SGCZ: variants seen among roughly 807,000 people sequenced by gnomAD.
SGCZ encodes sarcoglycan zeta.
In SGCZ, 40 loss-of-function variants were observed where a neutral mutation model predicts 41.3. The ratio of observed to expected loss-of-function variants is 0.97; its 90% CI spans 0.75 to 1.26. The LOEUF is 1.26. SGCZ is among the 50% of genes most tolerant of loss of function. The pLI is 0.00. For synonymous variants in SGCZ, 206 were observed against 137.5 expected, an observed-to-expected ratio of 1.50 and a Z score of -3.49; for missense variants, 552 against 369.8, an observed-to-expected ratio of 1.49 and a Z score of -4.04.
chr8:15,010,139 A>G (rs1267982172), intron 1 of SGCZ, among the ~76,000 whole-genome samples: 1 of 152,196 alleles, frequency 6.6e-6, no homozygotes, highest in African/African-American at 2.4e-5. Context: ...AATGGTGAGA[A>G]AAAACTTAGC....
At chr8:15,039,762 G>T (rs1004169697) in intron 1 of SGCZ, among the ~76,000 whole-genome samples, 1 of 152,002 alleles carries the variant, frequency 6.6e-6, no homozygotes, top group Admixed American at 6.6e-5. Context: ...TTGTTTGTAC[G>T]TTTTCATTTC....
intron 1 of SGCZ, among the ~76,000 whole-genome samples, chr8:15,187,372 G>A (rs1800380107): frequency 6.6e-6 from 1 of 152,058 alleles, no homozygotes; most frequent in Admixed American, 6.5e-5. Flanking sequence ...GAATACATGT[G>A]CATGTAATGT....
At chr8:14,996,985 T>C (rs889362634) in intron 1 of SGCZ, among the ~76,000 whole-genome samples, 1 of 152,216 alleles carries the variant, frequency 6.6e-6, no homozygotes, top group African/African-American at 2.4e-5. Flanking sequence ...GACGCTCTTT[T>C]GTGTTCATTT....
At chr8:15,228,157 T>C (rs149257247) in intron 1 of SGCZ, among the ~76,000 whole-genome samples, 27 of 152,330 alleles carry the variant, frequency 1.8e-4, no homozygotes, top group African/African-American at 6.5e-4. Flanking sequence ...ATGAAACAAA[T>C]ACGTATGTAA....
chr8:15,143,263 C>T (rs1307685743), intron 1 of SGCZ, among the ~76,000 whole-genome samples: 1 of 152,134 alleles, frequency 6.6e-6, no homozygotes, highest in Non-Finnish European at 1.5e-5. Context: ...ATGAGAGGAA[C>T]CTTATATATC....
intron 2 of SGCZ, among the ~76,000 whole-genome samples, chr8:14,458,060 C>T (rs114887041): frequency 0.046 from 6,968 of 152,202 alleles, 500 homozygotes; most frequent in African/African-American, 0.16. Context: ...TTCTTCTAAA[C>T]TACCCAGTCT....
intron 1 of SGCZ, among the ~76,000 whole-genome samples, chr8:15,225,414 T>G (rs1164734868): frequency 6.6e-6 from 1 of 152,206 alleles, no homozygotes; most frequent in Non-Finnish European, 1.5e-5. Flanking sequence ...TATGCAATAT[T>G]ACAACAGAGG....
At chr8:14,577,145 G>C (rs535770910) in intron 1 of SGCZ, among the ~76,000 whole-genome samples, 44 of 152,266 alleles carry the variant, frequency 2.9e-4, no homozygotes, top group Non-Finnish European at 4.4e-4. Flanking sequence ...ATTTGCATTT[G>C]AGAAATACCA....
At chr8:14,956,848 T>A (rs889596836) in intron 1 of SGCZ, among the ~76,000 whole-genome samples, 1 of 152,220 alleles carries the variant, frequency 6.6e-6, no homozygotes, top group East Asian at 1.9e-4. Flanking sequence ...AGTCTTCTAC[T>A]TTTTAGAAAG....
At chr8:14,714,325 G>T (rs146411470) in intron 1 of SGCZ, among the ~76,000 whole-genome samples, 1 of 152,034 alleles carries the variant, frequency 6.6e-6, no homozygotes, top group African/African-American at 2.4e-5. Context: ...AAAGTTTATA[G>T]AAGTTAAAAA....
At chr8:15,225,929 TG>T (rs1563194498) in intron 1 of SGCZ, among the ~76,000 whole-genome samples, 1 of 152,182 alleles carries the variant, frequency 6.6e-6, no homozygotes, top group East Asian at 1.9e-4. Flanking sequence ...ATCCCATGCC[TG>T]CTTTGATCTA....
At chr8:14,306,884 G>A (rs999493856) in intron 3 of SGCZ, among the ~76,000 whole-genome samples, 1 of 152,170 alleles carries the variant, frequency 6.6e-6, no homozygotes, top group Non-Finnish European at 1.5e-5. Flanking sequence ...TGCTCCACAA[G>A]TACTAGAGGA....
At chr8:14,270,857 A>G (rs923965211) in intron 3 of SGCZ, among the ~76,000 whole-genome samples, 12 of 152,214 alleles carry the variant, frequency 7.9e-5, no homozygotes, top group African/African-American at 2.9e-4. Flanking sequence ...ACCATGGAAT[A>G]CTATGCAGCC....
chr8:14,776,255 T>C (rs941709016), intron 1 of SGCZ, among the ~76,000 whole-genome samples: 2 of 152,118 alleles, frequency 1.3e-5, no homozygotes, highest in Non-Finnish European at 2.9e-5. Context: ...TGGGGCCACA[T>C]GGAGAATAAG....
chr8:15,156,259 T>C (rs1297590376), intron 1 of SGCZ, among the ~76,000 whole-genome samples: 1 of 152,148 alleles, frequency 6.6e-6, no homozygotes, highest in African/African-American at 2.4e-5. Flanking sequence ...GACTGAGGCC[T>C]TATTTCTGCA....
chr8:14,533,771 T>C (rs568011503), intron 2 of SGCZ, among the ~76,000 whole-genome samples: 26 of 152,094 alleles, frequency 1.7e-4, no homozygotes, highest in Non-Finnish European at 3.5e-4. Flanking sequence ...ATATCTTTCC[T>C]CCAAACAAGA....
At chr8:15,230,678 T>C (rs565377332) in intron 1 of SGCZ, among the ~76,000 whole-genome samples, 1 of 152,328 alleles carries the variant, frequency 6.6e-6, no homozygotes, top group Admixed American at 6.5e-5. Context: ...GGTTTTTACC[T>C]TCCATTCTTC....
chr8:14,208,215 T>G (rs1805681429), intron 4 of SGCZ, among the ~76,000 whole-genome samples: 1 of 152,192 alleles, frequency 6.6e-6, no homozygotes, highest in Non-Finnish European at 1.5e-5. Flanking sequence ...GATGCTAAAG[T>G]TCCATGCTGA....
chr8:14,988,956 A>T (rs1370517242), intron 1 of SGCZ, among the ~76,000 whole-genome samples: 1 of 152,194 alleles, frequency 6.6e-6, no homozygotes, highest in Admixed American at 6.5e-5. Flanking sequence ...TAATTGCTCA[A>T]CTTAGTGATT....
Sources: gnomAD v4.1 joint callset for allele counts (sites outside exome capture counted in the v4.1 genomes callset) on GRCh38, gnomAD v4.1.1 for gene constraint, MANE v1.5 for transcripts, NCBI Gene and HGNC (gene_info 2026-07-23, HGNC 2026-07-21) for gene names.